The following HYCC1 variants were observed in gnomAD, a reference collection of about 807,000 sequenced individuals.
The protein encoded by HYCC1 is hyccin.
the HYCC1 span, chr7:22,977,469 C>T: frequency 9.3e-6 from 10 of 1,079,028 alleles, no homozygotes; most frequent in Admixed American, 1.6e-4. Context: ...TTCTTACACA[C>T]AAATTTACAA....
the HYCC1 span, among the ~76,000 whole-genome samples, chr7:22,990,889 A>G: frequency 6.6e-6 from 1 of 152,208 alleles, no homozygotes; most frequent in Admixed American, 6.5e-5. Context: ...AAAGGAATCA[A>G]TTTCCTAGAA....
At chr7:22,972,947 A>G in the HYCC1 span, among the ~76,000 whole-genome samples, 1 of 152,234 alleles carries the variant, frequency 6.6e-6, no homozygotes, top group African/African-American at 2.4e-5. Flanking sequence ...AGAAGATTAA[A>G]AAAAGACTGT....
At chr7:22,975,842 AGGTAGCT>A in the HYCC1 span, among the ~76,000 whole-genome samples, 3 of 152,092 alleles carry the variant, frequency 2.0e-5, no homozygotes, top group African/African-American at 7.2e-5. Flanking sequence ...TCAGCCTCCC[AGGTAGCT>A]GGGACTACAG....
chr7:22,931,370 A>C, the HYCC1 span, among the ~76,000 whole-genome samples: 1 of 152,062 alleles, frequency 6.6e-6, no homozygotes, highest in Non-Finnish European at 1.5e-5. Flanking sequence ...CTGTGAGAGA[A>C]TAAATTTCTG....
At chr7:22,979,602 G>A in the HYCC1 span, among the ~76,000 whole-genome samples, 4 of 152,028 alleles carry the variant, frequency 2.6e-5, no homozygotes, top group African/African-American at 4.8e-5. Flanking sequence ...TTTTCTTTGC[G>A]GACCCACATC....
chr7:22,922,267 C>G, the HYCC1 span, among the ~76,000 whole-genome samples: 3 of 152,220 alleles, frequency 2.0e-5, no homozygotes, highest in African/African-American at 7.2e-5. Flanking sequence ...AATTGAAAGA[C>G]AGCGATTGTC....
the HYCC1 span, among the ~76,000 whole-genome samples, chr7:22,990,204 G>A: frequency 6.6e-6 from 1 of 152,172 alleles, no homozygotes; most frequent in African/African-American, 2.4e-5. Flanking sequence ...AAATAGCCCT[G>A]CTTTGTTTTG....
chr7:23,001,715 A>G, the HYCC1 span, among the ~76,000 whole-genome samples: 3 of 152,112 alleles, frequency 2.0e-5, no homozygotes, highest in Non-Finnish European at 4.4e-5. Context: ...AGGAAAAGAA[A>G]AAAGATGAGA....
chr7:22,964,937 C>T, the HYCC1 span, among the ~76,000 whole-genome samples: 1 of 151,974 alleles, frequency 6.6e-6, no homozygotes, highest in Admixed American at 6.6e-5. Context: ...AGTTCGAGAC[C>T]AGCCTGGTCA....
the HYCC1 span, among the ~76,000 whole-genome samples, chr7:22,968,844 G>A: frequency 6.6e-6 from 1 of 152,114 alleles, no homozygotes; most frequent in African/African-American, 2.4e-5. Flanking sequence ...AAATTGGCCT[G>A]GCATGGTGCC....
At chr7:22,946,031 G>A in the HYCC1 span, 12 of 1,613,560 alleles carry the variant, frequency 7.4e-6, no homozygotes, top group Non-Finnish European at 1.0e-5. Context: ...TCCTATACTT[G>A]GCTTGTTACT....
chr7:22,914,641 T>G, the HYCC1 span, among the ~76,000 whole-genome samples: 1 of 152,054 alleles, frequency 6.6e-6, no homozygotes, highest in African/African-American at 2.4e-5. Flanking sequence ...TACACATTGG[T>G]CCCTCCCTAG....
chr7:23,011,210 T>C, the HYCC1 span, among the ~76,000 whole-genome samples: 3 of 152,254 alleles, frequency 2.0e-5, no homozygotes, highest in African/African-American at 4.8e-5. Flanking sequence ...GTCTGTTCTC[T>C]GGCTGCCACT....
At chr7:22,909,892 G>C in the HYCC1 span, among the ~76,000 whole-genome samples, 207 of 152,270 alleles carry the variant, frequency 1.4e-3, no homozygotes, top group African/African-American at 4.7e-3. Context: ...AGGACACCTA[G>C]CACAAATAAT....
the HYCC1 span, among the ~76,000 whole-genome samples, chr7:23,006,320 G>A: frequency 4.6e-5 from 7 of 151,988 alleles, no homozygotes; most frequent in Non-Finnish European, 1.0e-4. Context: ...AGGCTGGAGT[G>A]CAGTGGCACA....
chr7:22,977,376 T>C, the HYCC1 span: 13 of 1,599,722 alleles, frequency 8.1e-6, no homozygotes, highest in South Asian at 1.3e-4. Context: ...AAAGATGGAA[T>C]CGTAAAACTC....
chr7:22,902,088 A>G, the HYCC1 span, among the ~76,000 whole-genome samples: 36 of 152,282 alleles, frequency 2.4e-4, no homozygotes, highest in African/African-American at 8.4e-4. Flanking sequence ...TTGTCCAACC[A>G]CAATAGAATT....
chr7:22,934,234 T>TTTTTTTTTTTC, the HYCC1 span: 6 of 122,482 alleles, frequency 4.9e-5, no homozygotes, highest in Admixed American at 1.7e-4. Flanking sequence ...TTTTTTTTTT[T>TTTTTTTTTTTC]CCCTCTCTGA....
chr7:22,964,774 G>T, the HYCC1 span, among the ~76,000 whole-genome samples: 1 of 152,116 alleles, frequency 6.6e-6, no homozygotes, highest in Non-Finnish European at 1.5e-5. Context: ...TTCACTTACT[G>T]GTTAGTTCGC....
Sources: allele counts gnomAD v4.1 joint callset (sites outside exome capture counted in the v4.1 genomes callset), GRCh38; gene constraint gnomAD v4.1.1; transcripts MANE v1.5; gene names NCBI Gene and HGNC (gene_info 2026-07-23, HGNC 2026-07-21).